LRRC28: variants seen among roughly 807,000 people sequenced by gnomAD.
LRRC28 encodes the protein leucine rich repeat containing 28.
LRRC28 carries 39 observed loss-of-function variants against 45.7 expected under a neutral mutation model. The observed-to-expected ratio is 0.85, with a 90% CI of 0.66 to 1.12. The LOEUF (loss-of-function observed/expected upper bound fraction) is 1.12, where lower values mean the gene tolerates loss of function less well. Ranked by LOEUF, LRRC28 falls within the 50% of genes most tolerant of loss-of-function variation. The pLI, the probability that LRRC28 is intolerant of heterozygous loss-of-function variation, is 0.00. For synonymous variants in LRRC28, 206 were observed against 178.8 expected (o/e 1.15, Z -1.22); for missense variants, 435 against 438.5 (o/e 0.99, Z 0.07).
At chr15:99,336,364 G>A (rs1005104510) in intron 6 of LRRC28, among the ~76,000 whole-genome samples, 1 of 152,114 alleles carries the variant, frequency 6.6e-6, no homozygotes, top group Non-Finnish European at 1.5e-5. Context: ...TTTCAGACTT[G>A]TCTGATTCTA....
chr15:99,323,090 C>T (rs1373962168), intron 5 of LRRC28, among the ~76,000 whole-genome samples: 1 of 152,182 alleles, frequency 6.6e-6, no homozygotes, highest in East Asian at 1.9e-4. Context: ...CTCTTTCCCA[C>T]CTTTTAAAAT....
intron 9 of LRRC28, among the ~76,000 whole-genome samples, chr15:99,370,014 T>C (rs1260894791): frequency 6.6e-6 from 1 of 152,206 alleles, no homozygotes; most frequent in African/African-American, 2.4e-5. Context: ...TTACTTTTCT[T>C]AGTACTGTAA....
At chr15:99,263,473 T>G (rs1235921996) in intron 2 of LRRC28, among the ~76,000 whole-genome samples, 1 of 152,196 alleles carries the variant, frequency 6.6e-6, no homozygotes, top group African/African-American at 2.4e-5. Flanking sequence ...TAAATAGATA[T>G]TAGAAGTAAT....
intron 2 of LRRC28, among the ~76,000 whole-genome samples, chr15:99,263,289 A>C (rs2081249200): frequency 6.7e-6 from 1 of 148,896 alleles, no homozygotes; most frequent in Non-Finnish European, 1.5e-5. Context: ...ACTCCACGCC[A>C]GCCTGGGTGA....
chr15:99,335,656 A>G (rs920941077), intron 6 of LRRC28, among the ~76,000 whole-genome samples: 1 of 151,992 alleles, frequency 6.6e-6, no homozygotes, highest in Non-Finnish European at 1.5e-5. Context: ...CAACATACCA[A>G]TACCCTGTCT....
chr15:99,321,018 T>C (rs551275142), intron 5 of LRRC28, among the ~76,000 whole-genome samples: 32 of 152,312 alleles, frequency 2.1e-4, no homozygotes, highest in African/African-American at 7.7e-4. Flanking sequence ...AGTATGTTAC[T>C]CAGAGGATGC....
intron 9 of LRRC28, among the ~76,000 whole-genome samples, chr15:99,374,237 C>T (rs887735504): frequency 6.6e-5 from 10 of 152,142 alleles, no homozygotes; most frequent in African/African-American, 2.2e-4. Context: ...GAACATGATG[C>T]GTCTCTCCAT....
chr15:99,300,865 C>T lies in LRRC28; in HGVS notation c.385+12914C>T, dbSNP rs115749449. Among the ~76,000 whole-genome samples the T allele has an allele frequency of 4.1e-3, 625 of 152,262 alleles. 6 individuals are homozygous for T. Among genetic ancestry groups the T allele is most frequent in the African/African-American group, 0.015 (603 of 41,572 alleles). On this transcript the variant is annotated intron_variant, in intron 5 of 9. Transcript: ENST00000301981. ...AATAAAAAGTGTGCACAGTTATGCA[C>T]ATTGTTGCATATATGTCCTGAACCA...
chr15:99,291,097 G>A (rs1383156352), intron 5 of LRRC28, among the ~76,000 whole-genome samples: 1 of 152,146 alleles, frequency 6.6e-6, no homozygotes, highest in Non-Finnish European at 1.5e-5. Context: ...TATTCTTAGA[G>A]GTTAAGGATG....
At chr15:99,325,689 A>C (rs1955950330) in intron 5 of LRRC28, among the ~76,000 whole-genome samples, 1 of 152,212 alleles carries the variant, frequency 6.6e-6, no homozygotes, top group Admixed American at 6.5e-5. Flanking sequence ...CTTTATTCTT[A>C]TTCCATGAAC....
rs149839407 is a variant in LRRC28 at position 99,379,378 on chromosome 15, C to G, written c.1032-6652C>G. On this transcript the variant is annotated intron_variant, in intron 9 of 9. Transcript: ENST00000301981. ...GGTAGTTTGTATTTCTGTGGGATCG[C>G]TGGTGATATCCCCTTTATCATTTTT... 4.5e-3 allele frequency among the ~76,000 whole-genome samples: 685 copies of G among 152,206 alleles called. 9 individuals are homozygous for G. Among genetic ancestry groups the G allele is most frequent in the African/African-American group, 0.016 (653 of 41,540 alleles).
intron 6 of LRRC28, among the ~76,000 whole-genome samples, chr15:99,352,090 CAG>C (rs1433218566): frequency 6.6e-6 from 1 of 152,162 alleles, no homozygotes; most frequent in Non-Finnish European, 1.5e-5. Flanking sequence ...ACTGACTTAG[CAG>C]AGTTCTTTGC....
At chr15:99,385,288 C>G (rs1401410190) in intron 9 of LRRC28, among the ~76,000 whole-genome samples, 1 of 152,328 alleles carries the variant, frequency 6.6e-6, no homozygotes, top group South Asian at 2.1e-4. Flanking sequence ...CTTCCTGGGC[C>G]ACAGGGAAAG....
At chr15:99,325,177 AT>A (rs71456918) in intron 5 of LRRC28, among the ~76,000 whole-genome samples, 8,595 of 152,056 alleles carry the variant, frequency 0.057, 307 homozygotes, top group Admixed American at 0.12. Context: ...CAAGTATATA[AT>A]TTTTTTTGGT....
At chr15:99,366,203 G>T (rs948214497) in intron 9 of LRRC28, among the ~76,000 whole-genome samples, 5 of 152,104 alleles carry the variant, frequency 3.3e-5, no homozygotes, top group South Asian at 2.1e-4. Flanking sequence ...GTGTCAGCAG[G>T]GTTGGTTCCT....
At chr15:99,283,010 A>G (rs1008290104) in intron 3 of LRRC28, among the ~76,000 whole-genome samples, 7 of 152,034 alleles carry the variant, frequency 4.6e-5, no homozygotes, top group African/African-American at 1.7e-4. Flanking sequence ...CTTCTGCCTC[A>G]GCCTCCCAGG....
chr15:99,379,007 T>C (rs1957732313), intron 9 of LRRC28, among the ~76,000 whole-genome samples: 1 of 147,554 alleles, frequency 6.8e-6, no homozygotes, highest in African/African-American at 2.5e-5. Flanking sequence ...TTCTCTTTTT[T>C]TGTTGTGTCT....
intron 5 of LRRC28, among the ~76,000 whole-genome samples, chr15:99,294,030 T>G (rs2082202786): frequency 6.6e-6 from 1 of 152,234 alleles, no homozygotes; most frequent in South Asian, 2.1e-4. Context: ...CGCCATTGTT[T>G]CTGATGAGAA....
At chr15:99,368,254 CA>C (rs1249362884) in intron 9 of LRRC28, among the ~76,000 whole-genome samples, 8 of 152,100 alleles carry the variant, frequency 5.3e-5, no homozygotes, top group African/African-American at 1.9e-4. Flanking sequence ...CATCCTGGGG[CA>C]AAACTCTCCA....
Sources: allele counts gnomAD v4.1 joint callset (sites outside exome capture counted in the v4.1 genomes callset), GRCh38; gene constraint gnomAD v4.1.1; transcripts MANE v1.5; gene names NCBI Gene and HGNC (gene_info 2026-07-23, HGNC 2026-07-21).